Variants in SHC4 observed in about 807,000 individuals in gnomAD.
The protein encoded by SHC4 is SHC-transforming protein 4.
A neutral mutation model predicts 69.4 loss-of-function variants in SHC4; 41 were observed. That is an observed-to-expected ratio of 0.59 (90% CI 0.46 to 0.77). The LOEUF is 0.77. SHC4 is among the 30% of genes least tolerant of loss of function. SHC4 has a pLI of 0.00. For missense variants in SHC4, 777 were observed against 783.8 expected, an observed-to-expected ratio of 0.99 and a Z score of 0.10; for synonymous variants, 318 against 299.3, an observed-to-expected ratio of 1.06 and a Z score of -0.64.
intron 9 of SHC4, among the ~76,000 whole-genome samples, chr15:48,847,741 G>A (rs1419380062): frequency 9.9e-5 from 15 of 151,830 alleles, no homozygotes; most frequent in Non-Finnish European, 1.9e-4. Flanking sequence ...GGTGGGTCAC[G>A]CCTGTAATCC....
At chr15:48,937,412 G>A (rs994318690) in intron 1 of SHC4, among the ~76,000 whole-genome samples, 2 of 152,082 alleles carry the variant, frequency 1.3e-5, no homozygotes, top group South Asian at 4.1e-4. Flanking sequence ...GTTCAATGCT[G>A]TGCTCAAGAG....
In SHC4 at chr15:48,921,432, T is replaced by G. The variant is rs151179360; in HGVS notation, c.656+3447A>C. ...TCACTGCAACCTCCGCCTCCCGGGTTCAAGCAATTCTCCTGCCTCAGCCTC... is the reference window on the plus strand; with the variant it reads ...TCACTGCAACCTCCGCCTCCCGGGTGCAAGCAATTCTCCTGCCTCAGCCTC... On this transcript the variant is annotated intron_variant, in intron 2 of 11. Coordinates refer to ENST00000332408, the MANE Select transcript of SHC4 (RefSeq NM_203349.4). Among the ~76,000 whole-genome samples, 736 of 152,042 alleles carry G rather than the reference T, an allele frequency of 4.8e-3. 10 individuals carry two copies. The highest frequency in any genetic ancestry group is 8.5e-3 in the Non-Finnish European group (578 of 67,974).
rs778966585 is a variant in SHC4 at position 48,878,187 on chromosome 15, T to C, written c.841-6045A>G. 9.0e-6 allele frequency: 14 copies of C among 1,557,964 alleles called. No individual in the cohort carries two copies. The highest frequency in any genetic ancestry group is 3.8e-5 in the Admixed American group (2 of 53,128). ...TGAGCGGTTTGCACAATGTCGGAAA[T>C]GGCTGAGTTGTCCGAGCTGTATGAA... On this transcript the variant is annotated intron_variant, in intron 4 of 11. Coordinates refer to ENST00000332408, the MANE Select transcript of SHC4 (RefSeq NM_203349.4).
chr15:48,952,063 C>G (rs751797480), intron 1 of SHC4, among the ~76,000 whole-genome samples: 1 of 152,142 alleles, frequency 6.6e-6, no homozygotes, highest in Non-Finnish European at 1.5e-5. Flanking sequence ...GTAGTCTAAC[C>G]TATCAGATGA....
At chr15:48,950,404 T>A (rs1433770314) in intron 1 of SHC4, among the ~76,000 whole-genome samples, 2 of 151,938 alleles carry the variant, frequency 1.3e-5, no homozygotes, top group Non-Finnish European at 2.9e-5. Context: ...AGAAGACATA[T>A]CTACTTTATC....
intron 11 of SHC4, among the ~76,000 whole-genome samples, chr15:48,830,196 G>A (rs1898770893): frequency 6.6e-6 from 1 of 151,382 alleles, no homozygotes; most frequent in Non-Finnish European, 1.5e-5. Flanking sequence ...ATTTTGTTTT[G>A]TGTATCTTCT....
intron 4 of SHC4, chr15:48,878,329 G>T (rs528956826): frequency 6.2e-7 from 1 of 1,613,666 alleles, no homozygotes; most frequent in African/African-American, 1.3e-5. Context: ...GGGCCCAACA[G>T]CTCGAGGAGG....
intron 5 of SHC4, among the ~76,000 whole-genome samples, chr15:48,871,009 T>C (rs556625471): frequency 1.3e-5 from 2 of 152,328 alleles, no homozygotes; most frequent in East Asian, 3.9e-4. Flanking sequence ...GTTTTTAGCA[T>C]CCTCTATATC....
chr15:48,870,335 C>A (rs900539189), intron 5 of SHC4, among the ~76,000 whole-genome samples: 1 of 152,150 alleles, frequency 6.6e-6, no homozygotes, highest in Non-Finnish European at 1.5e-5. Context: ...GCTCAAATAG[C>A]AGCTGCTAAG....
chr15:48,946,983 C>T (rs768141511), intron 1 of SHC4, among the ~76,000 whole-genome samples: 1 of 152,102 alleles, frequency 6.6e-6, no homozygotes, highest in South Asian at 2.1e-4. Context: ...TGTAAATAGG[C>T]TGTGTGAGCT....
intron 6 of SHC4, among the ~76,000 whole-genome samples, chr15:48,865,149 GATA>G (rs1354329711): frequency 3.0e-4 from 46 of 152,298 alleles, no homozygotes; most frequent in African/African-American, 1.1e-3. Flanking sequence ...CTTGCTAAAT[GATA>G]ATACCATGGT....
At chr15:48,858,216 T>A (rs1194074300) in intron 6 of SHC4, among the ~76,000 whole-genome samples, 1 of 152,200 alleles carries the variant, frequency 6.6e-6, no homozygotes, top group Non-Finnish European at 1.5e-5. Context: ...CTTTGCACGG[T>A]ATGTTATGGA....
rs754211039 is a variant in SHC4 at position 48,825,825 on chromosome 15, T to C, written c.*146A>G. Reference sequence around the variant, plus strand: ...TAATTTTTGTTAGTTCTTCATTTTATAGAGGACCTGGTCCATGATGGTCTT... The same window carrying C: ...TAATTTTTGTTAGTTCTTCATTTTACAGAGGACCTGGTCCATGATGGTCTT... On this transcript the variant is annotated 3_prime_UTR_variant, in exon 12 of 12. Transcript: ENST00000332408. 21 of 943,494 alleles carry C rather than the reference T, an allele frequency of 2.2e-5. No homozygotes were observed. The highest frequency in any genetic ancestry group is 3.2e-5 in the Non-Finnish European group (21 of 648,954). 58.4% of individuals were successfully genotyped at this position (943,494 alleles called of 1,614,324 possible).
chr15:48,871,256 G>A (rs1171608576), intron 5 of SHC4, among the ~76,000 whole-genome samples: 1 of 152,202 alleles, frequency 6.6e-6, no homozygotes, highest in Non-Finnish European at 1.5e-5. Flanking sequence ...TGACATGGCT[G>A]ATGTTTAACC....
At chr15:48,894,996 G>A (rs867196733) in intron 2 of SHC4, among the ~76,000 whole-genome samples, 2 of 151,788 alleles carry the variant, frequency 1.3e-5, no homozygotes, top group South Asian at 4.2e-4. Flanking sequence ...GTAGAGACAG[G>A]GTCTCCCTAT....
intron 5 of SHC4, among the ~76,000 whole-genome samples, chr15:48,869,685 T>C (rs1899629857): frequency 6.6e-6 from 1 of 152,192 alleles, no homozygotes; most frequent in Non-Finnish European, 1.5e-5. Context: ...CAGTACATAA[T>C]ACTGCCTCCC....
intron 6 of SHC4, among the ~76,000 whole-genome samples, chr15:48,859,306 GGT>G (rs58641880): frequency 0.35 from 50,939 of 145,658 alleles, 9,492 homozygotes; most frequent in Middle Eastern, 0.51. Flanking sequence ...ATTTGAAAGG[GGT>G]GTGTGTGTGT....
chr15:48,878,145 AG>A (rs1161235844), intron 4 of SHC4: 1 of 1,519,098 alleles, frequency 6.6e-7, no homozygotes, highest in East Asian at 2.3e-5. Context: ...TCTTGCTGGA[AG>A]CTTTTTCCTA....
chr15:48,890,861 CAGTA>C (rs1224423076), intron 2 of SHC4, 50 bp from the exon 3 acceptor site: 7 of 1,584,014 alleles, frequency 4.4e-6, no homozygotes, highest in African/African-American at 1.3e-5. Flanking sequence ...TACCTCCACA[CAGTA>C]AGTGTTTAAG....
Sources: allele counts gnomAD v4.1 joint callset (sites outside exome capture counted in the v4.1 genomes callset), GRCh38; gene constraint gnomAD v4.1.1; transcripts MANE v1.5; gene names NCBI Gene and HGNC (gene_info 2026-07-23, HGNC 2026-07-21).